The following CTNNA2 variants were observed in gnomAD, a reference collection of about 807,000 sequenced individuals.
The protein encoded by CTNNA2 is catenin alpha 2, also known as catenin alpha-2.
In CTNNA2, 42 loss-of-function variants were observed where a neutral mutation model predicts 101.0. That is an observed-to-expected ratio of 0.42 (90% CI 0.32 to 0.54). The LOEUF is 0.54. CTNNA2 is among the 20% of genes least tolerant of loss of function. CTNNA2 has a pLI of 0.14. For synonymous variants in CTNNA2, 450 were observed against 456.4 expected (o/e 0.99, Z 0.18); for missense variants, 871 against 1,223.1 (o/e 0.71, Z 4.29).
intron 7 of CTNNA2, among the ~76,000 whole-genome samples, chr2:80,142,219 C>T (rs558048863): frequency 6.6e-6 from 1 of 152,296 alleles, no homozygotes; most frequent in East Asian, 1.9e-4. Context: ...TGACTTATGA[C>T]TTTGCCTGTA....
At chr2:79,211,486 T>C (rs763742803) in intron 2 of CTNNA2, among the ~76,000 whole-genome samples, 24 of 152,000 alleles carry the variant, frequency 1.6e-4, no homozygotes, top group Non-Finnish European at 3.1e-4. Flanking sequence ...TTATAAGATT[T>C]GGGTAGGTAA....
chr2:79,907,797 A>C (rs1457044411), intron 6 of CTNNA2, among the ~76,000 whole-genome samples: 2 of 152,342 alleles, frequency 1.3e-5, no homozygotes, highest in East Asian at 1.9e-4. Flanking sequence ...AATTGAAAAG[A>C]GGCTTTGACC....
At chr2:79,192,535 T>C (rs922704263) in intron 1 of CTNNA2, among the ~76,000 whole-genome samples, 3 of 152,216 alleles carry the variant, frequency 2.0e-5, no homozygotes, top group African/African-American at 7.2e-5. Flanking sequence ...GTGTTGCCTA[T>C]AGTTCCAGAT....
chr2:79,302,319 C>A (rs772033118), intron 2 of CTNNA2, among the ~76,000 whole-genome samples: 11 of 152,034 alleles, frequency 7.2e-5, no homozygotes, highest in Admixed American at 1.3e-4. Flanking sequence ...AGCATCCCTG[C>A]TCCTTTTGCT....
chr2:79,349,871 T>A (rs528759806), intron 3 of CTNNA2, among the ~76,000 whole-genome samples: 13 of 152,112 alleles, frequency 8.5e-5, no homozygotes, highest in East Asian at 3.9e-4. Context: ...AATCTTTTTT[T>A]AAAAATTGAG....
intron 1 of CTNNA2, among the ~76,000 whole-genome samples, chr2:79,634,988 A>G (rs1368973597): frequency 1.3e-5 from 2 of 152,150 alleles, no homozygotes; most frequent in African/African-American, 4.8e-5. Flanking sequence ...ACATGATGTC[A>G]TTCATATTTG....
chr2:79,977,229 C>CAG (rs1213946872), intron 7 of CTNNA2, among the ~76,000 whole-genome samples: 39 of 150,732 alleles, frequency 2.6e-4, no homozygotes, highest in African/African-American at 9.2e-4. Context: ...CATGCACACA[C>CAG]ACACACACAC....
At chr2:80,300,278 T>TGGG (rs770942821) in intron 7 of CTNNA2, among the ~76,000 whole-genome samples, 3 of 71,028 alleles carry the variant, frequency 4.2e-5, no homozygotes, top group Non-Finnish European at 8.5e-5. Context: ...GCTGGGGTGT[T>TGGG]GGGGTGTGTG....
At chr2:79,648,941 T>G (rs1224208149) in intron 1 of CTNNA2, among the ~76,000 whole-genome samples, 2 of 152,194 alleles carry the variant, frequency 1.3e-5, no homozygotes, top group East Asian at 3.9e-4. Context: ...ATTTTACCTT[T>G]GTCACAAGAA....
chr2:79,950,616 A>C (rs141210798), intron 7 of CTNNA2, among the ~76,000 whole-genome samples: 1 of 152,314 alleles, frequency 6.6e-6, no homozygotes, highest in East Asian at 1.9e-4. Flanking sequence ...TTCGATTTTC[A>C]GCAACCAGTG....
At chr2:80,338,297 T>TTTTC (rs1239767264) in intron 7 of CTNNA2, among the ~76,000 whole-genome samples, 73 of 114,534 alleles carry the variant, frequency 6.4e-4, no homozygotes, top group African/African-American at 2.4e-3. Flanking sequence ...CCTTTTTTTC[T>TTTTC]TTTTCTTTTT....
chr2:79,459,739 GGT>G (rs1371599247), intron 4 of CTNNA2, among the ~76,000 whole-genome samples: 3 of 152,006 alleles, frequency 2.0e-5, no homozygotes, highest in Non-Finnish European at 4.4e-5. Flanking sequence ...CTTTAGCATT[GGT>G]CCTTTTGATC....
chr2:80,027,695 C>G (rs1030001098), intron 7 of CTNNA2, among the ~76,000 whole-genome samples: 1 of 151,948 alleles, frequency 6.6e-6, no homozygotes, highest in African/African-American at 2.4e-5. Flanking sequence ...TGCCTGGTGC[C>G]GTGGCTCGTG....
intron 3 of CTNNA2, among the ~76,000 whole-genome samples, chr2:79,849,891 C>CCCT (rs1319942444): frequency 6.6e-6 from 1 of 152,198 alleles, no homozygotes; most frequent in African/African-American, 2.4e-5. Context: ...AAGTGCCAGG[C>CCCT]AGGCGTTCCT....
rs9653562 is a variant in CTNNA2, at chr2:79,864,110, C to T, written c.466-5706C>T. On this transcript the variant is annotated intron_variant, in intron 4 of 18. Coordinates refer to ENST00000402739, the MANE Select transcript of CTNNA2 (RefSeq NM_001282597.3). ...AACTGGGAAAGGAGTAATATTTCAG[C>T]GGCCCATCCATATTTTCATAGTGTT... Among the ~76,000 whole-genome samples the T allele has an allele frequency of 6.8e-3, 1,041 of 152,270 alleles. 14 individuals are homozygous for T. Among genetic ancestry groups the T allele is most frequent in the African/African-American group, 0.024 (979 of 41,540 alleles).
intron 7 of CTNNA2, among the ~76,000 whole-genome samples, chr2:80,063,816 A>C (rs139969248): frequency 3.2e-4 from 48 of 152,338 alleles, no homozygotes; most frequent in Non-Finnish European, 5.3e-4. Flanking sequence ...CCATCCCAGG[A>C]TAATAGACTA....
chr2:79,311,833 G>C (rs1194854452), intron 2 of CTNNA2, among the ~76,000 whole-genome samples: 3 of 152,192 alleles, frequency 2.0e-5, no homozygotes, highest in Admixed American at 6.5e-5. Context: ...AATGTGGTCA[G>C]TCTTTTCCTT....
chr2:79,764,341 A>G (rs1249180509), intron 3 of CTNNA2, among the ~76,000 whole-genome samples: 1 of 152,226 alleles, frequency 6.6e-6, no homozygotes, highest in African/African-American at 2.4e-5. Context: ...TGCCAATTAT[A>G]CAAAACTATA....
At chr2:79,333,648 T>A (rs1030210771) in intron 3 of CTNNA2, among the ~76,000 whole-genome samples, 1 of 152,056 alleles carries the variant, frequency 6.6e-6, no homozygotes, top group Non-Finnish European at 1.5e-5. Context: ...TTAACAAATA[T>A]CTGCTCTAGG....
Sources: gnomAD v4.1 joint callset for allele counts (sites outside exome capture counted in the v4.1 genomes callset) on GRCh38, gnomAD v4.1.1 for gene constraint, MANE v1.5 for transcripts, NCBI Gene and HGNC (gene_info 2026-07-23, HGNC 2026-07-21) for gene names.